The following SV2C variants were observed in gnomAD, a reference collection of about 807,000 sequenced individuals.
SV2C encodes solute carrier family 22 member B3.
A neutral mutation model predicts 79.7 loss-of-function variants in SV2C; 49 were observed. That is an observed-to-expected ratio of 0.61 (90% CI 0.49 to 0.78). The LOEUF (loss-of-function observed/expected upper bound fraction) is 0.78. Among genes scored for constraint, SV2C ranks in the 30% least tolerant of loss-of-function variants. SV2C has a pLI of 0.00. For missense variants in SV2C, 833 were observed against 912.9 expected, an observed-to-expected ratio of 0.91 and a Z score of 1.13; for synonymous variants, 334 against 333.2, an observed-to-expected ratio of 1.00 and a Z score of -0.03.
upstream of SV2C, among the ~76,000 whole-genome samples, chr5:76,080,989 A>G (rs1473194498): frequency 9.9e-5 from 15 of 152,182 alleles, no homozygotes; most frequent in Admixed American, 9.2e-4. Context: ...TCATGACACA[A>G]TGTTTCATGT....
At chr5:75,866,394 A>C in the SV2C span, among the ~76,000 whole-genome samples, 7 of 152,242 alleles carry the variant, frequency 4.6e-5, no homozygotes, top group Non-Finnish European at 8.8e-5. Flanking sequence ...CCGATGTGGC[A>C]GAGCTATTAC....
chr5:76,096,965 A>G (rs1404561000), intron 1 of SV2C, among the ~76,000 whole-genome samples: 4 of 152,134 alleles, frequency 2.6e-5, no homozygotes, highest in African/African-American at 9.7e-5. Flanking sequence ...CCGATTCCTT[A>G]TAACAAGTCT....
the SV2C span, among the ~76,000 whole-genome samples, chr5:76,071,895 G>A: frequency 3.9e-5 from 6 of 152,264 alleles, no homozygotes; most frequent in East Asian, 5.8e-4. Flanking sequence ...ATAGTAGAAT[G>A]TTAAAAAGAA....
the SV2C span, among the ~76,000 whole-genome samples, chr5:75,876,913 TAAAC>T: frequency 6.6e-6 from 1 of 151,750 alleles, no homozygotes; most frequent in African/African-American, 2.4e-5. Context: ...AAACATATAA[TAAAC>T]AAAAAGAAAA....
chr5:76,008,126 T>C, the SV2C span, among the ~76,000 whole-genome samples: 1 of 152,156 alleles, frequency 6.6e-6, no homozygotes, highest in African/African-American at 2.4e-5. Context: ...AGAGAAAATG[T>C]CTCCTCTTGC....
intron 1 of SV2C, among the ~76,000 whole-genome samples, chr5:76,116,163 A>T (rs1434992930): frequency 6.6e-6 from 1 of 152,216 alleles, no homozygotes; most frequent in Non-Finnish European, 1.5e-5. Context: ...ACAGTCAGAT[A>T]CAGAATTTCC....
intron 4 of SV2C, among the ~76,000 whole-genome samples, chr5:76,242,635 A>G (rs11747915): frequency 0.4 from 60,109 of 152,008 alleles, 12,284 homozygotes; most frequent in African/African-American, 0.47. Context: ...TCACACAGAT[A>G]GTGGGTACAG....
intron 2 of SV2C, among the ~76,000 whole-genome samples, chr5:76,133,292 G>A (rs1019156753): frequency 2.6e-5 from 4 of 152,296 alleles, no homozygotes; most frequent in African/African-American, 7.2e-5. Context: ...CAGAGTCTAT[G>A]AAAGAAAGAA....
intron 1 of SV2C, among the ~76,000 whole-genome samples, chr5:76,121,425 A>T (rs1339061959): frequency 1.3e-5 from 2 of 151,248 alleles, no homozygotes; most frequent in Non-Finnish European, 2.9e-5. Flanking sequence ...TTGGTGTTTT[A>T]GACATGAAGT....
chr5:76,336,760 C>T (rs1418460898), downstream of SV2C, among the ~76,000 whole-genome samples: 4 of 152,340 alleles, frequency 2.6e-5, no homozygotes, highest in African/African-American at 7.2e-5. Context: ...AGGCGTGGCA[C>T]ACATTTTCCT....
At chr5:75,880,380 C>A in the SV2C span, among the ~76,000 whole-genome samples, 1 of 152,162 alleles carries the variant, frequency 6.6e-6, no homozygotes, top group Non-Finnish European at 1.5e-5. Flanking sequence ...TAAGTCATTT[C>A]TTTGCTCCCA....
At chr5:75,945,510 G>A in the SV2C span, among the ~76,000 whole-genome samples, 3 of 151,340 alleles carry the variant, frequency 2.0e-5, no homozygotes, top group African/African-American at 7.3e-5. Context: ...GTAGAGACAG[G>A]GTTTCACCAT....
At chr5:75,906,651 CA>C in the SV2C span, among the ~76,000 whole-genome samples, 1 of 152,160 alleles carries the variant, frequency 6.6e-6, no homozygotes, top group Non-Finnish European at 1.5e-5. Context: ...CTCCACATCT[CA>C]GCTTTCTTTC....
chr5:76,310,200 A>G (rs1302770688), intron 12 of SV2C, among the ~76,000 whole-genome samples: 1 of 152,236 alleles, frequency 6.6e-6, no homozygotes, highest in African/African-American at 2.4e-5. Flanking sequence ...ACAAACAGAT[A>G]AGTAAAGTAG....
At chr5:76,023,520 A>T in the SV2C span, among the ~76,000 whole-genome samples, 2 of 151,676 alleles carry the variant, frequency 1.3e-5, no homozygotes, top group Admixed American at 1.3e-4. Context: ...CTTGTGTATG[A>T]TGTGTGTGTG....
the SV2C span, among the ~76,000 whole-genome samples, chr5:75,873,905 A>T: frequency 6.6e-6 from 1 of 152,178 alleles, no homozygotes; most frequent in African/African-American, 2.4e-5. Context: ...AAAATGAATC[A>T]GTAATAAATA....
At chr5:76,042,369 C>T in the SV2C span, among the ~76,000 whole-genome samples, 1 of 152,210 alleles carries the variant, frequency 6.6e-6, no homozygotes, top group Non-Finnish European at 1.5e-5. Context: ...ACAATACTCA[C>T]TCTGTAGATT....
At chr5:76,151,402 GC>G (rs1749599847) in intron 2 of SV2C, among the ~76,000 whole-genome samples, 1 of 152,198 alleles carries the variant, frequency 6.6e-6, no homozygotes, top group Non-Finnish European at 1.5e-5. Context: ...TGACGTGTGA[GC>G]AGCAGAAGAG....
intron 4 of SV2C, among the ~76,000 whole-genome samples, chr5:76,273,927 G>A (rs1456074220): frequency 6.6e-6 from 1 of 152,184 alleles, no homozygotes; most frequent in South Asian, 2.1e-4. Context: ...AGCCCCAAGG[G>A]TCCAAGATTA....
Sources: gnomAD v4.1 joint callset for allele counts (sites outside exome capture counted in the v4.1 genomes callset) on GRCh38, gnomAD v4.1.1 for gene constraint, MANE v1.5 for transcripts, NCBI Gene and HGNC (gene_info 2026-07-23, HGNC 2026-07-21) for gene names.